AOX1: variants seen among roughly 807,000 people sequenced by gnomAD.
AOX1 encodes the protein aldehyde oxidase.
Under a neutral mutation model 169.5 loss-of-function variants are expected in AOX1, and 153 were observed. The observed-to-expected ratio is 0.90, with a 90% confidence interval of 0.79 to 1.03. The LOEUF is 1.03. Ranked by LOEUF, AOX1 falls within the 50% of genes least tolerant of loss-of-function variation. The pLI is 0.00. For missense variants in AOX1, 1,656 were observed against 1,663.9 expected (o/e 1.00, Z 0.08); for synonymous variants, 562 against 581.9 (o/e 0.97, Z 0.49).
chr2:200,606,464 CA>C (rs1174233319), intron 10 of AOX1, among the ~76,000 whole-genome samples: 1 of 152,140 alleles, frequency 6.6e-6, no homozygotes, highest in Non-Finnish European at 1.5e-5. Context: ...CTTGGCTATA[CA>C]GGCTCTTTTT....
rs745506296 is a variant in AOX1, at chr2:200,602,277, C to T, written c.437-7C>T. 2 of 1,613,512 alleles carry T rather than the reference C, an allele frequency of 1.2e-6. No homozygotes were observed. Among genetic ancestry groups the T allele is most frequent in the South Asian group, 2.2e-5 (2 of 90,942 alleles). On this transcript the variant is annotated splice_polypyrimidine_tract_variant and splice_region_variant and intron_variant, in intron 5 of 34. Transcript: ENST00000374700. ...TTGGCTAACAGAGCTGGGTTTTTCT[C>T]CTTCAGGTAACCTGTGCCGTTGCAC...
intron 31 of AOX1, among the ~76,000 whole-genome samples, 154 bp downstream of exon 31, chr2:200,663,123 A>G (rs899298692): frequency 1.3e-5 from 2 of 152,314 alleles, no homozygotes; most frequent in East Asian, 1.9e-4. Context: ...TAGAATCCCC[A>G]CAATTGCCTT....
chr2:200,653,752 G>T (rs2105760990), intron 26 of AOX1, among the ~76,000 whole-genome samples: 1 of 152,304 alleles, frequency 6.6e-6, no homozygotes, highest in South Asian at 2.1e-4. Flanking sequence ...AAAGTTTGTG[G>T]CAACCTTGCT....
intron 18 of AOX1, among the ~76,000 whole-genome samples, chr2:200,622,696 A>G (rs1343651352): frequency 6.6e-6 from 1 of 152,216 alleles, no homozygotes; most frequent in East Asian, 1.9e-4. Flanking sequence ...TATGAAGATC[A>G]TAAGCATCTC....
intron 4 of AOX1, among the ~76,000 whole-genome samples, chr2:200,598,569 C>T (rs2034337910): frequency 6.6e-6 from 1 of 151,936 alleles, no homozygotes; most frequent in Non-Finnish European, 1.5e-5. Flanking sequence ...GTAGTGAAAC[C>T]CTGTCTCTAC....
chr2:200,638,173 T>C (rs1447252648), intron 22 of AOX1, 42 bp from the exon 23 acceptor site: 3 of 1,577,118 alleles, frequency 1.9e-6, no homozygotes, highest in East Asian at 2.2e-5. Context: ...GAATGCCTGC[T>C]AGGTAAAAGA....
Position 200,604,660 on chromosome 2 carries a change from A to T in AOX1, c.670-36A>T, listed in dbSNP as rs769898548. The T allele has an allele frequency of 1.5e-5, 24 of 1,612,566 alleles. No homozygotes were observed. In the East Asian group the frequency reaches 4.9e-4, roughly 33 times the overall value. ...AGTGGAAACAGGTGGAGATGGCATC[A>T]TTGGGTACCTTGAATCCCTATTGCT... On this transcript the variant is annotated intron_variant, in intron 8 of 34. Transcript: ENST00000374700.
At chr2:200,655,853 G>A (rs977642126) in intron 26 of AOX1, among the ~76,000 whole-genome samples, 5 of 152,312 alleles carry the variant, frequency 3.3e-5, no homozygotes, top group Middle Eastern at 3.4e-3. Flanking sequence ...GGTTTATCTG[G>A]TGATTAACAT....
chr2:200,673,359 T>C (rs1225723185), downstream of AOX1, among the ~76,000 whole-genome samples: 1 of 152,202 alleles, frequency 6.6e-6, no homozygotes, highest in Admixed American at 6.5e-5. Context: ...TCCTTTTCTG[T>C]ACAGCCATCC....
chr2:200,650,478 A>T (rs1283280509), intron 25 of AOX1, among the ~76,000 whole-genome samples: 2 of 152,190 alleles, frequency 1.3e-5, no homozygotes, highest in Non-Finnish European at 1.5e-5. Flanking sequence ...GAAGAATTCT[A>T]CTCAGTGCTT....
At chr2:200,603,567 T>G (rs1016334315) in intron 7 of AOX1, among the ~76,000 whole-genome samples, 1 of 152,186 alleles carries the variant, frequency 6.6e-6, no homozygotes, top group East Asian at 1.9e-4. Flanking sequence ...TTAAATACAG[T>G]TATCTACAGG....
rs369320698 is a variant in AOX1, at chr2:200,642,664, C to A, written c.2710C>A (p.Arg904Ser). Reference protein sequence around the residue: ...MDNAYKFPNLRCRGWACRTNL... With the variant: ...MDNAYKFPNLSCRGWACRTNL... The stretch of plus-strand genomic sequence containing the variant: ...CAATGCTTACAAGTTTCCCAATCTC[C>A]GCTGCCGGGGTTGGGCATGCAGAAC... The change falls in exon 25 of 35, where the codon CGC becomes AGC. Residue 904 changes from arginine to serine, a missense_variant. Coordinates refer to ENST00000374700, the MANE Select transcript of AOX1 (RefSeq NM_001159.4). The A allele has an allele frequency of 6.2e-7, 1 of 1,613,962 alleles. No individual in the cohort carries two copies. Among genetic ancestry groups the A allele is most frequent in the Non-Finnish European group, 8.5e-7 (1 of 1,179,988 alleles).
intron 1 of AOX1, among the ~76,000 whole-genome samples, chr2:200,588,726 C>CTTTTTTTGTTTTTTTTTTT (rs2034096545): frequency 1.9e-5 from 1 of 53,986 alleles, no homozygotes; most frequent in Non-Finnish European, 3.9e-5. Flanking sequence ...CTAGAATAAG[C>CTTTTTTTGTTTTTTTTTTT]TTTTTTTTTT....
At chr2:200,642,855 G>GTA (rs2035380852) in intron 25 of AOX1, 54 bp downstream of exon 25, 10 of 1,511,278 alleles carry the variant, frequency 6.6e-6, no homozygotes, top group Non-Finnish European at 9.0e-6. Flanking sequence ...GAGACGGTAG[G>GTA]GCCTTTGGGG....
rs775241472 is a variant in AOX1 at position 200,602,354 on chromosome 2, A to G, written c.498+9A>G. The G allele has an allele frequency of 6.2e-7, 1 of 1,612,070 alleles. No homozygotes were observed. The highest frequency in any genetic ancestry group is 2.2e-5 in the East Asian group (1 of 44,844). Reference sequence around the variant, plus strand: ...GCAAGACTTTCTGTAAAGTAAGTGGAAAGGACCACATGTTTGAGTATGTTT... The same window carrying G: ...GCAAGACTTTCTGTAAAGTAAGTGGGAAGGACCACATGTTTGAGTATGTTT... On this transcript the variant is annotated intron_variant, in intron 6 of 34. Coordinates refer to ENST00000374700, the MANE Select transcript of AOX1 (RefSeq NM_001159.4).
At chr2:200,659,784 T>TCACACACA (rs61398097) in intron 28 of AOX1, among the ~76,000 whole-genome samples, 5 of 79,628 alleles carry the variant, frequency 6.3e-5, no homozygotes, top group African/African-American at 2.0e-4. Flanking sequence ...CAGTTCTCTC[T>TCACACACA]CTCACACACA....
At chr2:200,632,527 C>T (rs1328670552) in intron 20 of AOX1, among the ~76,000 whole-genome samples, 2 of 151,874 alleles carry the variant, frequency 1.3e-5, no homozygotes, top group African/African-American at 4.8e-5. Context: ...GCTTCAAACA[C>T]AATTTAGGAA....
intron 9 of AOX1, 26 bp downstream of exon 9, chr2:200,604,866 A>G (rs771496866): frequency 1.4e-6 from 2 of 1,430,790 alleles, no homozygotes; most frequent in East Asian, 2.9e-5. Context: ...GGGATTTTTT[A>G]TAGGGAAATT....
intron 4 of AOX1, among the ~76,000 whole-genome samples, chr2:200,598,152 G>A (rs1409993305): frequency 1.3e-5 from 2 of 151,602 alleles, no homozygotes; most frequent in Admixed American, 6.6e-5. Context: ...GAGGAAGGGA[G>A]GGAAGGAAGG....
Sources: allele counts gnomAD v4.1 joint callset (sites outside exome capture counted in the v4.1 genomes callset), GRCh38; gene constraint gnomAD v4.1.1; transcripts MANE v1.5; gene names NCBI Gene and HGNC (gene_info 2026-07-23, HGNC 2026-07-21).